The following CA5A variants were observed in gnomAD, a reference collection of about 807,000 sequenced individuals.
The protein encoded by CA5A is carbonic anhydrase 5A, also known as carbonic anhydrase 5A, mitochondrial.
CA5A carries 28 observed loss-of-function variants against 37.1 expected under a neutral mutation model. That is an observed-to-expected ratio of 0.75 (90% confidence interval 0.56 to 1.03). CA5A has a LOEUF of 1.03. Among genes scored for constraint, CA5A ranks in the 50% least tolerant of loss-of-function variants. The probability of loss-of-function intolerance (pLI) is 0.00; values close to 1 mark genes in which losing one functional copy is unlikely to be tolerated. For missense variants in CA5A, 444 were observed against 399.9 expected, an observed-to-expected ratio of 1.11 and a Z score of -0.94; for synonymous variants, 171 against 158.4, an observed-to-expected ratio of 1.08 and a Z score of -0.60.
intron 1 of CA5A, among the ~76,000 whole-genome samples, chr16:87,935,908 G>A (rs1466048022): frequency 6.6e-6 from 1 of 150,896 alleles, no homozygotes; most frequent in Non-Finnish European, 1.5e-5. Context: ...CGCCGTGGCT[G>A]ATGCCTGCAA....
intron 2 of CA5A, among the ~76,000 whole-genome samples, chr16:87,924,998 T>C (rs2056284829): frequency 6.6e-6 from 1 of 152,246 alleles, no homozygotes; most frequent in African/African-American, 2.4e-5. Flanking sequence ...ACTCTGTTCA[T>C]CCGTCAATTT....
At chr16:87,913,875 A>AG (rs1308757684) in intron 2 of CA5A, among the ~76,000 whole-genome samples, 1 of 152,174 alleles carries the variant, frequency 6.6e-6, no homozygotes, top group Non-Finnish European at 1.5e-5. Context: ...TAGTGGCCCA[A>AG]GGGGGGTCAT....
Position 87,899,447 on chromosome 16 carries a change from C to T in CA5A, c.618+2465G>A, listed in dbSNP as rs145653094. Among the ~76,000 whole-genome samples, 919 of 150,798 alleles carry T rather than the reference C, an allele frequency of 6.1e-3. 9 individuals carry two copies. The highest frequency in any genetic ancestry group is 0.02 in the African/African-American group (839 of 41,230). On this transcript the variant is annotated intron_variant, in intron 5 of 6. Coordinates refer to ENST00000649794, the MANE Select transcript of CA5A (RefSeq NM_001739.2). ...CCTCCTGAGTAGCTGGGATTACAGGCACCCGCCACCACGCCTGGCTAATTT... is the reference window on the plus strand; with the variant it reads ...CCTCCTGAGTAGCTGGGATTACAGGTACCCGCCACCACGCCTGGCTAATTT...
intron 2 of CA5A, among the ~76,000 whole-genome samples, chr16:87,917,959 C>G (rs1171899754): frequency 6.6e-6 from 1 of 152,230 alleles, no homozygotes; most frequent in Non-Finnish European, 1.5e-5. Context: ...GTCCAGGGGT[C>G]GTCCTTGAAC....
intron 5 of CA5A, among the ~76,000 whole-genome samples, chr16:87,896,989 A>G (rs1313119658): frequency 6.6e-6 from 1 of 152,226 alleles, no homozygotes; most frequent in East Asian, 1.9e-4. Flanking sequence ...ATGAGCGTCA[A>G]GCCCCACCCA....
intron 1 of CA5A, among the ~76,000 whole-genome samples, chr16:87,928,182 G>A (rs1393277408): frequency 7.2e-5 from 11 of 152,060 alleles, no homozygotes; most frequent in African/African-American, 7.2e-5. Context: ...GGAATAGTGC[G>A]TTTTTGAGAT....
intron 2 of CA5A, among the ~76,000 whole-genome samples, chr16:87,921,863 AT>A (rs1567532926): frequency 1.3e-5 from 1 of 79,426 alleles, no homozygotes; most frequent in African/African-American, 5.8e-5. Flanking sequence ...TGTTATTGTT[AT>A]TATTATTATT....
At chr16:87,923,978 A>T in intron 2 of CA5A, 2 of 985,148 alleles carry the variant, frequency 2.0e-6, no homozygotes, top group Non-Finnish European at 2.4e-6. Flanking sequence ...ATATAACCAC[A>T]TTAAAACTGA....
rs147143821 is a variant in CA5A at position 87,922,997 on chromosome 16, C to A, written c.340+3751G>T. On this transcript the variant is annotated intron_variant, in intron 2 of 6. Coordinates refer to ENST00000649794, the MANE Select transcript of CA5A (RefSeq NM_001739.2). The stretch of plus-strand genomic sequence containing the variant: ...AAGACTGCAGTGGTGCAAGTGAAGC[C>A]CTTGGTGAGGAGAAGTGAGTTGGTG... 5.6e-3 allele frequency among the ~76,000 whole-genome samples: 857 copies of A among 152,306 alleles called. 9 individuals are homozygous for A. Among genetic ancestry groups the A allele is most frequent in the African/African-American group, 0.02 (827 of 41,568 alleles).
In CA5A at chr16:87,921,121, C is replaced by T. The variant is rs374375511; in HGVS notation, c.340+5627G>A. On this transcript the variant is annotated intron_variant, in intron 2 of 6. Transcript: ENST00000649794. ...TTTTGTATTTTTTAGTAGAGATGGG[C>T]TTTCACCATATTGGCCAGTCTGGTC... Among the ~76,000 whole-genome samples, 5 of 151,894 alleles carry T rather than the reference C, an allele frequency of 3.3e-5. No individual in the cohort carries two copies. In the East Asian group the frequency reaches 9.7e-4, roughly 30 times the overall value.
intron 2 of CA5A, among the ~76,000 whole-genome samples, chr16:87,914,540 A>C (rs1277512059): frequency 6.6e-6 from 1 of 152,202 alleles, no homozygotes; most frequent in African/African-American, 2.4e-5. Context: ...GAGGAGGCAC[A>C]GAGCCGTCTG....
intron 1 of CA5A, among the ~76,000 whole-genome samples, chr16:87,934,305 A>C (rs2056443493): frequency 6.6e-6 from 1 of 152,272 alleles, no homozygotes; most frequent in Admixed American, 6.5e-5. Context: ...GTGGTGGCTC[A>C]CGCCTGCAAT....
chr16:87,913,840 T>C (rs2056088487), intron 2 of CA5A, among the ~76,000 whole-genome samples: 1 of 152,194 alleles, frequency 6.6e-6, no homozygotes. Context: ...CATCCTTGTC[T>C]GCTCTTGCTG....
chr16:87,927,176 C>G (rs2056325439), intron 1 of CA5A, among the ~76,000 whole-genome samples: 1 of 152,290 alleles, frequency 6.6e-6, no homozygotes, highest in African/African-American at 2.4e-5. Context: ...CACCCGGAAG[C>G]AACTCCCTCT....
chr16:87,927,904 G>C (rs1450766911), intron 1 of CA5A, among the ~76,000 whole-genome samples: 1 of 151,456 alleles, frequency 6.6e-6, no homozygotes, highest in African/African-American at 2.4e-5. Context: ...TGAAGAAGCA[G>C]CTGTCCCATG....
downstream of CA5A, chr16:87,886,431 T>G (rs545023715): frequency 6.6e-6 from 1 of 152,306 alleles, no homozygotes; most frequent in Admixed American, 6.5e-5. Context: ...CTCCTGTTAT[T>G]TTTTAGGAGC....
chr16:87,893,568 G>C, intron 5 of CA5A: 1 of 652,252 alleles, frequency 1.5e-6, no homozygotes, highest in South Asian at 1.4e-5. Context: ...CTAAAGGTCT[G>C]GAGGGTGGGC....
At chr16:87,932,625 A>G (rs890311465) in intron 1 of CA5A, among the ~76,000 whole-genome samples, 1 of 152,202 alleles carries the variant, frequency 6.6e-6, no homozygotes, top group Non-Finnish European at 1.5e-5. Context: ...CAATCAGTCA[A>G]CAAATATTTA....
intron 1 of CA5A, among the ~76,000 whole-genome samples, chr16:87,932,210 G>T (rs140921472): frequency 1.2e-3 from 182 of 152,238 alleles, no homozygotes; most frequent in Non-Finnish European, 1.9e-3. Flanking sequence ...CACGGCCGCT[G>T]CCTCCAGTCC....
Sources: allele counts gnomAD v4.1 joint callset (sites outside exome capture counted in the v4.1 genomes callset), GRCh38; gene constraint gnomAD v4.1.1; transcripts MANE v1.5; gene names NCBI Gene and HGNC (gene_info 2026-07-23, HGNC 2026-07-21).